TCERG1: variants seen among roughly 807,000 people sequenced by gnomAD.
The protein encoded by TCERG1 is TATA box binding protein (TBP)-associated factor, RNA polymerase II, S, 150kD.
TCERG1 carries 37 observed loss-of-function variants against 144.7 expected under a neutral mutation model. The observed-to-expected ratio is 0.26, with a 90% CI of 0.20 to 0.34. The LOEUF (loss-of-function observed/expected upper bound fraction) is 0.34. TCERG1 is among the 10% of genes least tolerant of loss of function. The pLI, the probability that TCERG1 is intolerant of heterozygous loss-of-function variation, is 1.00. For missense variants in TCERG1, 1,027 were observed against 1,380.7 expected, an observed-to-expected ratio of 0.74 and a Z score of 4.06; for synonymous variants, 492 against 458.2, an observed-to-expected ratio of 1.07 and a Z score of -0.94.
intron 22 of TCERG1, among the ~76,000 whole-genome samples, 155 bp downstream of exon 22, chr5:146,509,400 A>G (rs949379254): frequency 6.7e-6 from 1 of 149,702 alleles, no homozygotes; most frequent in East Asian, 2.0e-4. Context: ...AATACAGCCC[A>G]TATCTACCAT....
At chr5:146,509,114 A>G (rs1218172289) in intron 21 of TCERG1, 31 bp from the exon 22 acceptor site, 2 of 1,386,300 alleles carry the variant, frequency 1.4e-6, no homozygotes, top group Non-Finnish European at 1.0e-6. Flanking sequence ...TTTTATTTCC[A>G]TAATCTCAAC....
intron 1 of TCERG1, among the ~76,000 whole-genome samples, chr5:146,448,615 A>T (rs1175810982): frequency 2.0e-5 from 3 of 152,228 alleles, no homozygotes; most frequent in Non-Finnish European, 4.4e-5. Context: ...TTGTGTAAGG[A>T]AATGGGTATT....
intron 16 of TCERG1, among the ~76,000 whole-genome samples, chr5:146,496,529 G>A (rs1766919438): frequency 1.3e-5 from 2 of 151,996 alleles, no homozygotes; most frequent in South Asian, 4.1e-4. Flanking sequence ...ATCCTATCCA[G>A]TTAATTTTTT....
intron 15 of TCERG1, among the ~76,000 whole-genome samples, chr5:146,485,589 C>G (rs1765748447): frequency 6.6e-6 from 1 of 152,078 alleles, no homozygotes; most frequent in Non-Finnish European, 1.5e-5. Context: ...GGTGGTATCT[C>G]CTTAATAGAA....
At chr5:146,485,755 G>A (rs560853881) in intron 15 of TCERG1, among the ~76,000 whole-genome samples, 3 of 152,140 alleles carry the variant, frequency 2.0e-5, no homozygotes, top group East Asian at 1.9e-4. Context: ...GTGCAGTGGC[G>A]CCATCTCATC....
rs1048826799 is a variant in TCERG1 at position 146,469,877 on chromosome 5, T to C, written c.1399+133T>C. On this transcript the variant is annotated intron_variant, in intron 7 of 22. Coordinates refer to ENST00000679501, the MANE Select transcript of TCERG1 (RefSeq NM_001382548.1). ...ATTACACAGTCATTGGATTGTTTAT[T>C]TTTACTGAATTGATAAATATTTATT... 3.7e-5 allele frequency: 21 copies of C among 574,168 alleles called. 1 individual carries two copies. The South Asian group carries it at 8.9e-4, about 24-fold the overall frequency. The allele number at this position is 574,168 out of a possible 1,614,324, so 35.6% of individuals were successfully genotyped here. A position where few individuals can be genotyped will look rare whatever the true frequency, so the allele number is the denominator to read the frequency against.
At chr5:146,452,964 A>G (rs537688157) in intron 1 of TCERG1, among the ~76,000 whole-genome samples, 37 of 152,284 alleles carry the variant, frequency 2.4e-4, no homozygotes, top group African/African-American at 8.9e-4. Flanking sequence ...TTCTTTATCT[A>G]TAAACTGAGA....
chr5:146,486,677 AG>A (rs1331316269), intron 15 of TCERG1, among the ~76,000 whole-genome samples: 1 of 152,212 alleles, frequency 6.6e-6, no homozygotes, highest in Non-Finnish European at 1.5e-5. Context: ...AAAGAAATAG[AG>A]GGTATCCAGA....
chr5:146,469,721 A>T lies in TCERG1; in HGVS notation c.1376A>T (p.Lys459Ile). Residue 459 changes from lysine to isoleucine, a missense_variant, in exon 7 of 23, where the codon AAA (lysine) becomes ATA (isoleucine). Transcript: ENST00000679501. ...AGAACATTAGAATCAACCTGGGAAA[A>T]ACCCCAAGAACTAAAGGAAAAAGGT... The part of the protein sequence containing the change: ...NNRTLESTWE[K>I]PQELKEKEKL... 1 of 1,606,878 alleles carries T rather than the reference A, an allele frequency of 6.2e-7. No homozygotes were observed. The highest frequency in any genetic ancestry group is 8.5e-7 in the Non-Finnish European group (1 of 1,176,858).
intron 9 of TCERG1, among the ~76,000 whole-genome samples, chr5:146,473,002 C>G (rs1184797882): frequency 6.6e-6 from 1 of 152,030 alleles, no homozygotes; most frequent in Non-Finnish European, 1.5e-5. Context: ...CATGAGCCAC[C>G]ATGCCCAGCT....
At chr5:146,468,433 T>C (rs878915022) in intron 6 of TCERG1, 30 bp downstream of exon 6, 1 of 1,604,170 alleles carries the variant, frequency 6.2e-7, no homozygotes, top group South Asian at 1.1e-5. Flanking sequence ...TAGTTTGTTT[T>C]GTCTGTAAGT....
At chr5:146,447,645 C>G (rs1458614589) in intron 1 of TCERG1, among the ~76,000 whole-genome samples, 2 of 152,216 alleles carry the variant, frequency 1.3e-5, no homozygotes, top group Admixed American at 1.3e-4. Flanking sequence ...TTTCTTGGGG[C>G]CTCGCCGCCT....
intron 3 of TCERG1, among the ~76,000 whole-genome samples, chr5:146,458,608 G>T (rs369432379): frequency 6.6e-6 from 1 of 152,092 alleles, no homozygotes; most frequent in Non-Finnish European, 1.5e-5. Context: ...GAGTAGCTGG[G>T]ATTACAGATG....
At chr5:146,471,463 A>G in intron 8 of TCERG1, 25 bp from the exon 9 acceptor site, 2 of 1,598,216 alleles carry the variant, frequency 1.3e-6, no homozygotes, top group Non-Finnish European at 1.7e-6. Context: ...TGTGATACTA[A>G]TTAGAGTAAT....
At chr5:146,491,543 G>T (rs1766423500) in intron 15 of TCERG1, among the ~76,000 whole-genome samples, 1 of 152,136 alleles carries the variant, frequency 6.6e-6, no homozygotes, top group Admixed American at 6.5e-5. Context: ...CAATGTTTTA[G>T]GCTGGTCAGA....
chr5:146,480,066 G>A lies in TCERG1; in HGVS notation c.1858G>A (p.Asp620Asn). 6.2e-7 allele frequency: 1 copy of A among 1,600,478 alleles called. No individual in the cohort carries two copies. Reference sequence around the variant, plus strand: ...AGAATTAATGGAAGAAATTAATGAAGATGAGCCTGTTAAAGCAAAAAAACG... The same window carrying A: ...AGAATTAATGGAAGAAATTAATGAAAATGAGCCTGTTAAAGCAAAAAAACG... ...EQELMEEINEDEPVKAKKRKR... is the reference protein window; with the variant it reads ...EQELMEEINENEPVKAKKRKR... Residue 620 changes from aspartate to asparagine, a missense_variant, in exon 12 of 23, where the codon GAT becomes AAT. Asp to Asn is a conservative substitution (Grantham distance 23). Around this residue, in one of 6 missense-constraint regions of TCERG1, gnomAD observed 482 missense variants for 632.6 expected, o/e 0.76. Coordinates refer to ENST00000679501, the MANE Select transcript of TCERG1 (RefSeq NM_001382548.1).
chr5:146,455,528 A>G (rs920697477), intron 2 of TCERG1, among the ~76,000 whole-genome samples: 1 of 152,220 alleles, frequency 6.6e-6, no homozygotes, highest in African/African-American at 2.4e-5. Flanking sequence ...AATAGTTTTT[A>G]CCTACCTTTA....
At chr5:146,451,439 C>T (rs1762332986) in intron 1 of TCERG1, among the ~76,000 whole-genome samples, 1 of 151,548 alleles carries the variant, frequency 6.6e-6, no homozygotes. Context: ...TCTCCTGCCT[C>T]AGCCTCTTGA....
intron 5 of TCERG1, among the ~76,000 whole-genome samples, chr5:146,468,088 C>CT (rs1362745419): frequency 6.6e-6 from 1 of 152,206 alleles, no homozygotes; most frequent in East Asian, 1.9e-4. Flanking sequence ...AATTTAAACT[C>CT]TTAAGACTCC....
Sources: allele counts gnomAD v4.1 joint callset (sites outside exome capture counted in the v4.1 genomes callset), GRCh38; gene constraint gnomAD v4.1.1; regional missense constraint gnomAD v4.1.1; transcripts MANE v1.5; gene names NCBI Gene and HGNC (gene_info 2026-07-23, HGNC 2026-07-21).